The following ACMSD variants were observed in gnomAD, a reference collection of about 807,000 sequenced individuals.
The protein encoded by ACMSD is aminocarboxymuconate semialdehyde decarboxylase.
In ACMSD, 37 loss-of-function variants were observed where a neutral mutation model predicts 45.9. The ratio of observed to expected loss-of-function variants is 0.81; its 90% CI spans 0.62 to 1.06. The LOEUF is 1.06. Ranked by LOEUF, ACMSD falls within the 50% of genes least tolerant of loss-of-function variation. The probability of loss-of-function intolerance (pLI) is 0.00; values close to 1 mark genes in which losing one functional copy is unlikely to be tolerated. For missense variants in ACMSD, 434 were observed against 420.9 expected (o/e 1.03, Z -0.27); for synonymous variants, 138 against 148.8 (o/e 0.93, Z 0.53).
At chr2:134,884,895 A>G (rs1689234636) in intron 8 of ACMSD, among the ~76,000 whole-genome samples, 1 of 152,054 alleles carries the variant, frequency 6.6e-6, no homozygotes, top group Admixed American at 6.6e-5. Context: ...TTTAAAATAT[A>G]TTTAATATTT....
chr2:134,893,570 CT>C (rs1213623853), intron 8 of ACMSD, among the ~76,000 whole-genome samples: 1 of 152,084 alleles, frequency 6.6e-6, no homozygotes, highest in Non-Finnish European at 1.5e-5. Flanking sequence ...CATTTTCCCC[CT>C]GTCCTCCATT....
At chr2:134,848,037 G>A (rs1353305856) in intron 2 of ACMSD, among the ~76,000 whole-genome samples, 4 of 152,086 alleles carry the variant, frequency 2.6e-5, no homozygotes, top group Non-Finnish European at 4.4e-5. Flanking sequence ...TTTTAGTAGA[G>A]ACAGGGTTTC....
intron 8 of ACMSD, among the ~76,000 whole-genome samples, chr2:134,876,277 A>C (rs1467559512): frequency 2.0e-5 from 3 of 152,172 alleles, no homozygotes; most frequent in African/African-American, 7.2e-5. Context: ...TAATAAATTA[A>C]ATTTAGCTTA....
intron 1 of ACMSD, among the ~76,000 whole-genome samples, chr2:134,842,341 T>C (rs765951745): frequency 9.2e-5 from 14 of 152,164 alleles, no homozygotes; most frequent in Non-Finnish European, 1.9e-4. Flanking sequence ...ATTGGCACTT[T>C]ATACTTTCCA....
At position 134,863,479 on chromosome 2, in the gene ACMSD, G is replaced by A. The variant is rs767489468; in HGVS notation, c.334G>A (p.Val112Met). ...STVVSYPRRF[V>M]GLGTLPMQAP... ...CGTTGTGAGCTACCCCAGGAGGTTCGTGGGTCTGGGGACGTTGCCCATGCA... is the reference window on the plus strand; with the variant it reads ...CGTTGTGAGCTACCCCAGGAGGTTCATGGGTCTGGGGACGTTGCCCATGCA... Residue 112 changes from valine (V) to methionine (M), a missense_variant, in exon 5 of 10, where the codon GTG (valine) becomes ATG (methionine). Val to Met is a conservative substitution (Grantham distance 21). Coordinates refer to ENST00000356140, the MANE Select transcript of ACMSD (RefSeq NM_138326.3). 8.1e-6 allele frequency: 13 copies of A among 1,614,102 alleles called. No individual in the cohort carries two copies. In the East Asian group the frequency reaches 1.3e-4, roughly 17 times the overall value.
chr2:134,853,923 T>C (rs1687464901), intron 2 of ACMSD, among the ~76,000 whole-genome samples: 1 of 152,154 alleles, frequency 6.6e-6, no homozygotes, highest in African/African-American at 2.4e-5. Context: ...TTTAGGAAAT[T>C]ATAGTAATTA....
intron 6 of ACMSD, among the ~76,000 whole-genome samples, chr2:134,867,939 G>A (rs1391821663): frequency 6.6e-6 from 1 of 151,954 alleles, no homozygotes; most frequent in East Asian, 1.9e-4. Context: ...TTTACAGATG[G>A]AGAAACTGAG....
At chr2:134,863,192 C>T (rs763599565) in intron 4 of ACMSD, 216 of 509,872 alleles carry the variant, frequency 4.2e-4, no homozygotes, top group Non-Finnish European at 5.3e-4. Flanking sequence ...CAGCAATATA[C>T]CTGCAGTTTT....
intron 8 of ACMSD, among the ~76,000 whole-genome samples, chr2:134,882,803 G>A (rs916514065): frequency 6.6e-6 from 1 of 152,144 alleles, no homozygotes; most frequent in Admixed American, 6.5e-5. Flanking sequence ...CCCACAATTA[G>A]AACCATTTTG....
At chr2:134,839,053 AAGAT>A (rs1686663922) in intron 1 of ACMSD, among the ~76,000 whole-genome samples, 2 of 152,210 alleles carry the variant, frequency 1.3e-5, no homozygotes, top group South Asian at 4.1e-4. Flanking sequence ...AGCTGCTGGG[AAGAT>A]ACATGCCAAC....
At chr2:134,894,429 A>G (rs1689973674) in intron 8 of ACMSD, among the ~76,000 whole-genome samples, 1 of 152,168 alleles carries the variant, frequency 6.6e-6, no homozygotes, top group African/African-American at 2.4e-5. Context: ...GAAGAAATAG[A>G]AAGTTCAAAC....
intron 5 of ACMSD, among the ~76,000 whole-genome samples, chr2:134,865,968 C>A (rs115017378): frequency 6.6e-6 from 1 of 152,192 alleles, no homozygotes; most frequent in Non-Finnish European, 1.5e-5. Flanking sequence ...AAAAATTAAA[C>A]TAGTTAATAA....
At chr2:134,868,451 CT>C (rs1170969126) in intron 6 of ACMSD, among the ~76,000 whole-genome samples, 124 of 124,216 alleles carry the variant, frequency 1.0e-3, no homozygotes, top group Middle Eastern at 4.3e-3. Flanking sequence ...ATATTTTTTT[CT>C]TTTTTTTTTT....
intron 2 of ACMSD, among the ~76,000 whole-genome samples, chr2:134,846,285 G>A (rs1687048522): frequency 6.6e-6 from 1 of 152,162 alleles, no homozygotes; most frequent in Non-Finnish European, 1.5e-5. Flanking sequence ...TGGGAACTTG[G>A]GAGAAATGCA....
chr2:134,863,573 T>C lies in ACMSD; in HGVS notation c.428T>C (p.Ile143Thr), dbSNP rs367716780. The change falls in exon 5 of 10, where the codon ATT becomes ACT. Residue 143 changes from isoleucine (I) to threonine (T), a missense_variant. Ile to Thr is a moderately conservative substitution (Grantham distance 89, BLOSUM62 -1). Transcript: ENST00000356140. ...GAGCTGGGCTTTCCCGGGGTCCAAA[T>C]TGGCACCCACGTCAACGAGTGGGAC... Reference protein sequence around the residue: ...VKELGFPGVQIGTHVNEWDLN... With the variant: ...VKELGFPGVQTGTHVNEWDLN... The C allele has an allele frequency of 3.7e-5, 59 of 1,614,034 alleles. 1 individual carries two copies. The highest frequency in any genetic ancestry group is 8.0e-5 in the African/African-American group (6 of 74,944).
intron 2 of ACMSD, among the ~76,000 whole-genome samples, chr2:134,853,715 C>A (rs1687454621): frequency 6.6e-6 from 1 of 151,996 alleles, no homozygotes; most frequent in Admixed American, 6.5e-5. Context: ...AAAAAAAAAC[C>A]AATGAGAACT....
At chr2:134,854,263 T>G (rs1158599667) in intron 2 of ACMSD, among the ~76,000 whole-genome samples, 1 of 152,230 alleles carries the variant, frequency 6.6e-6, no homozygotes, top group Non-Finnish European at 1.5e-5. Context: ...ATTCTATGAT[T>G]GAATCTTCTT....
intron 8 of ACMSD, among the ~76,000 whole-genome samples, chr2:134,896,059 C>T (rs577260611): frequency 2.5e-4 from 38 of 152,236 alleles, no homozygotes; most frequent in African/African-American, 9.1e-4. Context: ...AAAGAATAGT[C>T]TTTTCAACAT....
chr2:134,845,127 G>A (rs1205223168), intron 1 of ACMSD, 106 bp from the exon 2 acceptor site: 1 of 1,099,730 alleles, frequency 9.1e-7, no homozygotes, highest in Non-Finnish European at 1.4e-6. Flanking sequence ...GAAATGGGAA[G>A]GCAATGCTTG....
Sources: gnomAD v4.1 joint callset for allele counts (sites outside exome capture counted in the v4.1 genomes callset) on GRCh38, gnomAD v4.1.1 for gene constraint, MANE v1.5 for transcripts, NCBI Gene and HGNC (gene_info 2026-07-23, HGNC 2026-07-21) for gene names.